Variants in FOXP1 observed in about 807,000 individuals in gnomAD.
The protein encoded by FOXP1 is forkhead box P1.
In FOXP1, 15 loss-of-function variants were observed where a neutral mutation model predicts 98.2. That is an observed-to-expected ratio of 0.15 (90% CI 0.10 to 0.24). The LOEUF (loss-of-function observed/expected upper bound fraction) is 0.24, where lower values mean the gene tolerates loss of function less well. FOXP1 is among the 10% of genes least tolerant of loss of function. FOXP1 has a pLI of 1.00. For missense variants in FOXP1, 633 were observed against 848.5 expected, an observed-to-expected ratio of 0.75 and a Z score of 3.15; for synonymous variants, 371 against 314.5, an observed-to-expected ratio of 1.18 and a Z score of -1.90.
intron 5 of FOXP1, among the ~76,000 whole-genome samples, chr3:71,283,084 C>A (rs1357911301): frequency 6.6e-6 from 1 of 152,158 alleles, no homozygotes; most frequent in Admixed American, 6.5e-5. Context: ...CCATGGGTAC[C>A]CATCTGCCTT....
chr3:70,967,008 T>C (rs1282885047), intron 19 of FOXP1, among the ~76,000 whole-genome samples: 1 of 152,228 alleles, frequency 6.6e-6, no homozygotes, highest in Non-Finnish European at 1.5e-5. Context: ...ACTTTTCATT[T>C]CATTAAAGAG....
chr3:71,095,256 A>G (rs1441936615), intron 7 of FOXP1, among the ~76,000 whole-genome samples: 1 of 152,228 alleles, frequency 6.6e-6, no homozygotes, highest in Non-Finnish European at 1.5e-5. Context: ...GTTAAAAAAA[A>G]TATTAGACTG....
chr3:71,403,379 G>A (rs2082075774), intron 3 of FOXP1, among the ~76,000 whole-genome samples: 1 of 152,256 alleles, frequency 6.6e-6, no homozygotes, highest in Non-Finnish European at 1.5e-5. Context: ...AGTTTTCAGG[G>A]TGATGGCTCA....
intron 2 of FOXP1, among the ~76,000 whole-genome samples, chr3:71,515,433 C>CAA (rs35322006): frequency 0.29 from 28,215 of 96,566 alleles, 4,668 homozygotes; most frequent in African/African-American, 0.41. Flanking sequence ...ATTTACACAG[C>CAA]AAAAAAAAAA....
intron 1 of FOXP1, chr3:71,581,949 A>C: frequency 3.3e-6 from 3 of 918,064 alleles, no homozygotes; most frequent in Non-Finnish European, 3.9e-6. Flanking sequence ...CAAAGTTGCA[A>C]CAACAAAAAG....
chr3:70,964,547 C>T (rs577171898), intron 20 of FOXP1, among the ~76,000 whole-genome samples: 1 of 152,234 alleles, frequency 6.6e-6, no homozygotes, highest in East Asian at 1.9e-4. Context: ...TACGTTTGCT[C>T]TGAACTTCGT....
intron 3 of FOXP1, among the ~76,000 whole-genome samples, chr3:71,430,574 C>T (rs905865849): frequency 2.6e-5 from 4 of 151,750 alleles, no homozygotes; most frequent in Non-Finnish European, 5.9e-5. Flanking sequence ...CATTCTTTAC[C>T]ATTTATTCTA....
intron 2 of FOXP1, among the ~76,000 whole-genome samples, chr3:71,505,913 C>A (rs1033635439): frequency 6.6e-6 from 1 of 152,168 alleles, no homozygotes; most frequent in Non-Finnish European, 1.5e-5. Context: ...GAAATTAAAT[C>A]AAACATTTAT....
At chr3:70,991,761 A>C (rs533643984) in intron 13 of FOXP1, among the ~76,000 whole-genome samples, 1 of 152,312 alleles carries the variant, frequency 6.6e-6, no homozygotes, top group African/African-American at 2.4e-5. Context: ...CTGTTTTATA[A>C]TTGGGGAAAC....
At chr3:70,979,316 A>AAAAAAAAAAAAAAAAAAAAAAAAAAAAAG (rs1553670621) in intron 14 of FOXP1, among the ~76,000 whole-genome samples, 2 of 96,514 alleles carry the variant, frequency 2.1e-5, no homozygotes, top group Non-Finnish European at 4.0e-5. Flanking sequence ...AAAAAAAAAA[A>AAAAAAAAAAAAAAAAAAAAAAAAAAAAAG]AAAAGAAAAA....
At chr3:71,070,078 T>C (rs1053498017) in intron 7 of FOXP1, among the ~76,000 whole-genome samples, 1 of 152,206 alleles carries the variant, frequency 6.6e-6, no homozygotes, top group African/African-American at 2.4e-5. Context: ...TAGGAAATTT[T>C]GACTACTTCA....
rs1339187377 is a variant in FOXP1 at position 71,397,051 on chromosome 3, CAT to C, written c.-167-37809_-167-37808del. Reference sequence around the variant, plus strand: ...ATATATATGTGTATATATATATACACATATATATGTGTATATATATATACATA... The same window carrying C: ...ATATATATGTGTATATATATATACACATATATGTGTATATATATATACATA... On this transcript the variant is annotated intron_variant, in intron 3 of 20. Transcript: ENST00000649528. Among the ~76,000 whole-genome samples the C allele has an allele frequency of 3.0e-4, 11 of 36,864 alleles. 1 individual carries two copies. Among genetic ancestry groups the C allele is most frequent in the East Asian group, 1.8e-3 (6 of 3,324 alleles). 24.2% of individuals were successfully genotyped at this position (36,864 alleles called of 152,430 possible). A position where few individuals can be genotyped will look rare whatever the true frequency, so the allele number is the denominator to read the frequency against.
At chr3:71,096,311 T>G (rs1013110606) in intron 7 of FOXP1, among the ~76,000 whole-genome samples, 11 of 152,178 alleles carry the variant, frequency 7.2e-5, no homozygotes, top group African/African-American at 2.2e-4. Context: ...TTATGAAGGT[T>G]TTTAAATATA....
In FOXP1 at chr3:70,956,732, GTTTTTTTTTTTTTTTTTTTTTTTT is replaced by G. The variant is rs142956636; in HGVS notation, c.*2491_*2514del. 3.0e-3 allele frequency: 99 copies of G among 32,812 alleles called. 3 individuals are homozygous for G. The highest frequency in any genetic ancestry group is 0.016 in the Admixed American group (32 of 2,036). 2.0% of individuals were successfully genotyped at this position (32,812 alleles called of 1,614,324 possible). ...GCACATCATGAAGCTGCCTGGAAAA[GTTTTTTTTTTTTTTTTTTTTTTTT>G]TTTTTTTTTTTTTTTTTAAAGTCTT... On this transcript the variant is annotated 3_prime_UTR_variant, in exon 21 of 21. Coordinates refer to ENST00000649528, the MANE Select transcript of FOXP1 (RefSeq NM_001349338.3).
At chr3:71,581,730 G>A in intron 1 of FOXP1, 33 bp from the exon 2 acceptor site, 1 of 985,794 alleles carries the variant, frequency 1.0e-6, no homozygotes, top group Non-Finnish European at 1.2e-6. Context: ...GCGACCCTCA[G>A]CAAGTCTTCC....
chr3:71,578,482 C>T (rs908217442), intron 2 of FOXP1, among the ~76,000 whole-genome samples: 1 of 152,174 alleles, frequency 6.6e-6, no homozygotes, highest in African/African-American at 2.4e-5. Flanking sequence ...TAACACCTAA[C>T]CTTGTCTAAA....
At chr3:71,315,342 T>C (rs543110715) in intron 4 of FOXP1, among the ~76,000 whole-genome samples, 4 of 152,170 alleles carry the variant, frequency 2.6e-5, no homozygotes, top group African/African-American at 7.2e-5. Context: ...ACAAACCTGA[T>C]TCAAAATGGG....
intron 3 of FOXP1, among the ~76,000 whole-genome samples, chr3:71,445,950 G>C (rs1322275728): frequency 2.0e-5 from 3 of 152,186 alleles, no homozygotes; most frequent in African/African-American, 7.2e-5. Context: ...GCCTCCCAAA[G>C]TGCTGGGAAT....
chr3:70,985,028 G>GA (rs1443307916), intron 14 of FOXP1, among the ~76,000 whole-genome samples: 2 of 152,186 alleles, frequency 1.3e-5, no homozygotes, highest in African/African-American at 4.8e-5. Context: ...GGCATTTAGT[G>GA]AAAAGCAACA....
Sources: gnomAD v4.1 joint callset for allele counts (sites outside exome capture counted in the v4.1 genomes callset) on GRCh38, gnomAD v4.1.1 for gene constraint, MANE v1.5 for transcripts, NCBI Gene and HGNC (gene_info 2026-07-23, HGNC 2026-07-21) for gene names.